The following ATF1 variants were observed in gnomAD, a reference collection of about 807,000 sequenced individuals.
ATF1 encodes the protein cyclic AMP-dependent transcription factor ATF-1.
A neutral mutation model predicts 34.7 loss-of-function variants in ATF1; 16 were observed. That is an observed-to-expected ratio of 0.46 (90% CI 0.31 to 0.70). The LOEUF is 0.70. ATF1 is among the 30% of genes least tolerant of loss of function. The pLI, the probability that ATF1 is intolerant of heterozygous loss-of-function variation, is 0.05. For synonymous variants in ATF1, 105 were observed against 113.1 expected (o/e 0.93, Z 0.46); for missense variants, 255 against 321.6 (o/e 0.79, Z 1.58).
chr12:50,763,968 C>T (rs1176444149), upstream of ATF1: 1 of 152,342 alleles, frequency 6.6e-6, no homozygotes, highest in African/African-American at 2.4e-5. Context: ...GTGGGCAGCG[C>T]GGTGACGCAG....
At chr12:50,770,863 T>C (rs1940752142) in intron 1 of ATF1, among the ~76,000 whole-genome samples, 1 of 152,248 alleles carries the variant, frequency 6.6e-6, no homozygotes, top group East Asian at 1.9e-4. Flanking sequence ...TTTAAAAATC[T>C]GGATCAGTAT....
chr12:50,783,730 T>C (rs1941121703), intron 2 of ATF1, among the ~76,000 whole-genome samples: 1 of 152,006 alleles, frequency 6.6e-6, no homozygotes, highest in African/African-American at 2.4e-5. Flanking sequence ...TAGCTGGGCA[T>C]GGTGGCATGC....
At chr12:50,767,961 C>T (rs12829524) in intron 1 of ATF1, among the ~76,000 whole-genome samples, 34,489 of 151,608 alleles carry the variant, frequency 0.23, 5,090 homozygotes, top group Non-Finnish European at 0.34. Flanking sequence ...CAACCTCCGC[C>T]TCCCGAGTTC....
chr12:50,780,901 A>G (rs929671729), intron 2 of ATF1, among the ~76,000 whole-genome samples: 7 of 152,080 alleles, frequency 4.6e-5, no homozygotes, highest in Middle Eastern at 3.2e-3. Flanking sequence ...TGGAGGTTGC[A>G]GTGAGCACAG....
chr12:50,807,369 A>G (rs945577229), intron 3 of ATF1, among the ~76,000 whole-genome samples: 1 of 152,028 alleles, frequency 6.6e-6, no homozygotes, highest in Admixed American at 6.6e-5. Flanking sequence ...ATGCCACTGT[A>G]CTCCAGCCTG....
intron 2 of ATF1, among the ~76,000 whole-genome samples, chr12:50,794,256 A>C (rs1375815883): frequency 7.0e-6 from 1 of 143,224 alleles, no homozygotes; most frequent in African/African-American, 2.5e-5. Context: ...GGCCTGGGTT[A>C]TTTTATTTTT....
chr12:50,817,264 C>T (rs1941862299), intron 6 of ATF1, among the ~76,000 whole-genome samples: 1 of 151,828 alleles, frequency 6.6e-6, no homozygotes, highest in Non-Finnish European at 1.5e-5. Flanking sequence ...ACATATTGAG[C>T]CTAAACATAA....
chr12:50,806,456 A>G, intron 3 of ATF1: 1 of 339,774 alleles, frequency 2.9e-6, no homozygotes, highest in Non-Finnish European at 6.5e-6. Flanking sequence ...AGCACCACAC[A>G]GGGCGGGCTT....
intron 4 of ATF1, among the ~76,000 whole-genome samples, chr12:50,812,513 T>C (rs1404184567): frequency 1.3e-5 from 2 of 152,130 alleles, no homozygotes; most frequent in African/African-American, 4.8e-5. Flanking sequence ...GGAAGAAGAT[T>C]GAAACTAATT....
At chr12:50,775,033 C>T (rs540368131) in intron 1 of ATF1, among the ~76,000 whole-genome samples, 4 of 151,928 alleles carry the variant, frequency 2.6e-5, no homozygotes, top group East Asian at 1.9e-4. Flanking sequence ...CCTGAGCCAC[C>T]GTGCCTGGCC....
intron 3 of ATF1, among the ~76,000 whole-genome samples, chr12:50,801,219 A>T (rs979434820): frequency 6.6e-6 from 1 of 152,198 alleles, no homozygotes; most frequent in African/African-American, 2.4e-5. Flanking sequence ...AACAGTTCTA[A>T]TATGGTGGTA....
chr12:50,775,417 A>G (rs1230720829), intron 1 of ATF1, among the ~76,000 whole-genome samples: 1 of 151,974 alleles, frequency 6.6e-6, no homozygotes, highest in Admixed American at 6.6e-5. Flanking sequence ...CTGGAATGTT[A>G]GTGGCATGAT....
chr12:50,807,803 T>TG (rs1941646011), intron 3 of ATF1, among the ~76,000 whole-genome samples: 3 of 4,988 alleles, frequency 6.0e-4, no homozygotes, highest in Non-Finnish European at 3.2e-3. Context: ...TGTGTGTGTG[T>TG]TTTTTTTTTG....
At chr12:50,807,367 G>A (rs113091024) in intron 3 of ATF1, among the ~76,000 whole-genome samples, 38,592 of 151,700 alleles carry the variant, frequency 0.25, 5,487 homozygotes, top group Non-Finnish European at 0.32. Flanking sequence ...TCATGCCACT[G>A]TACTCCAGCC....
chr12:50,776,868 A>G (rs1173781137), intron 1 of ATF1, among the ~76,000 whole-genome samples: 2 of 152,104 alleles, frequency 1.3e-5, no homozygotes, highest in African/African-American at 4.8e-5. Flanking sequence ...TAAAGCCTTT[A>G]TTTATTTATT....
intron 2 of ATF1, among the ~76,000 whole-genome samples, chr12:50,781,347 T>G (rs978464417): frequency 6.6e-6 from 1 of 152,194 alleles, no homozygotes; most frequent in Admixed American, 6.6e-5. Flanking sequence ...TTTTTTTTCC[T>G]GAATATTTTC....
intron 4 of ATF1, among the ~76,000 whole-genome samples, chr12:50,813,195 T>C (rs1018950198): frequency 1.3e-5 from 2 of 152,164 alleles, no homozygotes; most frequent in African/African-American, 4.8e-5. Flanking sequence ...GGGAGCTAAG[T>C]AGTATTTTCT....
At chr12:50,796,032 C>G (rs1021652920) in intron 3 of ATF1, 23 bp downstream of exon 3, 2 of 1,547,030 alleles carry the variant, frequency 1.3e-6, no homozygotes, top group South Asian at 1.2e-5. Context: ...TTGTATGAAG[C>G]CCTGCATGTT....
chr12:50,803,512 A>AC, intron 3 of ATF1, among the ~76,000 whole-genome samples: 1 of 151,914 alleles, frequency 6.6e-6, no homozygotes, highest in East Asian at 1.9e-4. Context: ...AAAAAAAAAA[A>AC]ATAGTACAGT....
Sources: allele counts gnomAD v4.1 joint callset (sites outside exome capture counted in the v4.1 genomes callset), GRCh38; gene constraint gnomAD v4.1.1; transcripts MANE v1.5; gene names NCBI Gene and HGNC (gene_info 2026-07-23, HGNC 2026-07-21).